The following OBSL1 variants were observed in gnomAD, a reference collection of about 807,000 sequenced individuals.
OBSL1 encodes obscurin like cytoskeletal adaptor 1.
OBSL1 carries 160 observed loss-of-function variants against 172.0 expected under a neutral mutation model. The observed-to-expected ratio is 0.93, with a 90% CI of 0.82 to 1.06. The LOEUF (loss-of-function observed/expected upper bound fraction) is 1.06. Among genes scored for constraint, OBSL1 ranks in the 50% least tolerant of loss-of-function variants. The probability of loss-of-function intolerance (pLI) is 0.00; values close to 1 mark genes in which losing one functional copy is unlikely to be tolerated. For missense variants in OBSL1, 2,681 were observed against 2,715.4 expected, an observed-to-expected ratio of 0.99 and a Z score of 0.28; for synonymous variants, 1,200 against 1,196.3, an observed-to-expected ratio of 1.00 and a Z score of -0.06.
chr2:219,548,575 G>A (rs556175637), downstream of OBSL1, among the ~76,000 whole-genome samples: 8 of 152,218 alleles, frequency 5.3e-5, no homozygotes, highest in African/African-American at 1.2e-4. Flanking sequence ...CAGCAAGGGC[G>A]AGGGCCCTGA....
intron 20 of OBSL1, 119 bp downstream of exon 20, chr2:219,551,410 T>C: frequency 1.7e-6 from 2 of 1,210,498 alleles, no homozygotes; most frequent in Non-Finnish European, 2.2e-6. Flanking sequence ...CCCCACCTCC[T>C]ACGTATCCCA....
rs555147623 is a variant in OBSL1 at position 219,568,447 on chromosome 2, G to T, written c.1013-123C>A. 11 of 974,174 alleles carry T rather than the reference G, an allele frequency of 1.1e-5. No individual in the cohort carries two copies. The Admixed American group carries it at 3.1e-4, about 28-fold the overall frequency. 60.3% of individuals were successfully genotyped at this position (974,174 alleles called of 1,614,324 possible). ...TCATGCAGAGCCAGCGGGCACTGTGGAATCACAGAAAACTACCAGAAGGGA... is the reference window on the plus strand; with the variant it reads ...TCATGCAGAGCCAGCGGGCACTGTGTAATCACAGAAAACTACCAGAAGGGA... On this transcript the variant is annotated intron_variant, in intron 1 of 20. Coordinates refer to ENST00000404537, the MANE Select transcript of OBSL1 (RefSeq NM_015311.3). This position sits in a 1 kb window ranked among gnomAD's most constrained non-coding sequence, Gnocchi z 4.1.
rs1331331953 is a variant in OBSL1, at chr2:219,567,405, T to A, written c.1705A>T (p.Ile569Phe). ...ACCTCCACGGCTCCGGCTTTCTCGA[T>A]GCTGAAGCACTGAATCCAGTCTTCA... is the stretch of plus-strand genomic sequence containing the variant. ...GSEDWIQCFS[I>F]EKAGAVEVPG... The change falls in exon 4 of 21, where the codon ATC becomes TTC. Residue 569 changes from isoleucine to phenylalanine, a missense_variant. Physicochemically the swap from Ile to Phe is conservative, Grantham distance 21. Coordinates refer to ENST00000404537, the MANE Select transcript of OBSL1 (RefSeq NM_015311.3). The A allele has an allele frequency of 6.2e-7, 1 of 1,613,156 alleles. No homozygotes were observed. The highest frequency in any genetic ancestry group is 1.7e-5 in the Admixed American group (1 of 59,930).
Position 219,556,609 on chromosome 2 carries a change from C to T in OBSL1, c.4181G>A (p.Arg1394His), listed in dbSNP as rs769302847. 31 of 1,613,848 alleles carry T rather than the reference C, an allele frequency of 1.9e-5. No individual in the cohort carries two copies. The highest frequency in any genetic ancestry group is 1.3e-4 in the Admixed American group (8 of 59,996). ...CCCTGGAGTGACGACGGCCCCATTG[C>T]GCAGCCAGGTGACATCGGCATCTGG... ...SPPDADVTWL[R>H]NGAVVTPGPQ... Residue 1394 changes from arginine to histidine, a missense_variant, in exon 13 of 21, where the codon CGC becomes CAC. By Grantham distance (29) the Arg-to-His change is conservative. This residue lies in a region of OBSL1 where 1,765 missense variants were observed against 1,748.3 expected (regional missense o/e 1.01). Coordinates refer to ENST00000404537, the MANE Select transcript of OBSL1 (RefSeq NM_015311.3).
rs10208534 is a variant in OBSL1 at position 219,558,982 on chromosome 2, A to G, written c.3226+243T>C. On this transcript the variant is annotated intron_variant, in intron 9 of 20. Coordinates refer to ENST00000404537, the MANE Select transcript of OBSL1 (RefSeq NM_015311.3). ...GCATCTAAAACAGTGCCAAGCACAT[A>G]GTAGTTGCTCAATGAGTATTGAACG... The G allele has an allele frequency of 0.43, 226,219 of 520,540 alleles. 50,934 individuals carry two copies. The highest frequency in any genetic ancestry group is 0.52 in the African/African-American group (27,565 of 52,934). The allele number at this position is 520,540 out of a possible 1,614,324, so 32.2% of individuals were successfully genotyped here. A position where few individuals can be genotyped will look rare whatever the true frequency, so the allele number is the denominator to read the frequency against.
At position 219,567,507 on chromosome 2, in the gene OBSL1, G is replaced by A. The variant is rs368672930; in HGVS notation, c.1603C>T (p.Leu535=). 2.5e-6 allele frequency: 4 copies of A among 1,613,460 alleles called. No homozygotes were observed. In the African/African-American group the frequency reaches 4.0e-5, roughly 16 times the overall value. ...EMFKGHKNTV[L]LTWKPPEPAP... is the part of the protein sequence containing the mutation. ...GGCTCGGGAGGCTTCCAGGTCAACA[G>A]GACCGTGTTCTTGTGGCCCTTGAAC... Residue 535 remains leucine (L), a synonymous_variant, in exon 4 of 21, where the codon CTG becomes TTG. Coordinates refer to ENST00000404537, the MANE Select transcript of OBSL1 (RefSeq NM_015311.3).
intron 6 of OBSL1, among the ~76,000 whole-genome samples, chr2:219,564,910 T>C (rs1696769405): frequency 6.6e-6 from 1 of 151,940 alleles, no homozygotes; most frequent in South Asian, 2.1e-4. Flanking sequence ...TACCAAATAA[T>C]AAAAAAATTA....
chr2:219,570,734 C>T lies in OBSL1; in HGVS notation c.499G>A (p.Ala167Thr), dbSNP rs768685309. 2 of 1,510,456 alleles carry T rather than the reference C, an allele frequency of 1.3e-6. No homozygotes were observed. Among genetic ancestry groups the T allele is most frequent in the South Asian group, 2.5e-5 (2 of 81,130 alleles). 93.6% of individuals were successfully genotyped at this position (1,510,456 alleles called of 1,614,324 possible). A position where few individuals can be genotyped will look rare whatever the true frequency, so the allele number is the denominator to read the frequency against. Residue 167 changes from alanine to threonine, a missense_variant, in exon 1 of 21, where the codon GCC (alanine) becomes ACC (threonine). This residue lies in a region of OBSL1 where 706 missense variants were observed against 695.8 expected (regional missense o/e 1.01). Coordinates refer to ENST00000404537, the MANE Select transcript of OBSL1 (RefSeq NM_015311.3). ...PTLYWEKDGM[A>T]LDEVWDSSHF... The stretch of plus-strand genomic sequence containing the variant: ...CTGCTGTCCCACACTTCGTCCAGGG[C>T]CATCCCGTCCTTCTCCCAGTACAGT...
At position 219,552,118 on chromosome 2, in the gene OBSL1, C is replaced by A; in HGVS notation, c.5407G>T (p.Val1803Leu). 1.2e-6 allele frequency: 2 copies of A among 1,609,268 alleles called. No individual in the cohort carries two copies. The highest frequency in any genetic ancestry group is 1.7e-6 in the Non-Finnish European group (2 of 1,178,254). ...GPAQSLALLEVEALPLQMCRH... is the reference protein window; with the variant it reads ...GPAQSLALLELEALPLQMCRH... ...TCCCACCCCAGGTGCTTACCCTCCA[C>A]TTCCAGTAGAGCCAGGGACTGGGCG... The change falls in exon 19 of 21, where the codon GTG becomes TTG. Residue 1803 changes from valine to leucine, a missense_variant. This residue lies in a region of OBSL1 where 1,765 missense variants were observed against 1,748.3 expected (regional missense o/e 1.01). Transcript: ENST00000404537.
intron 8 of OBSL1, 48 bp downstream of exon 8, chr2:219,562,354 G>T: frequency 6.3e-7 from 1 of 1,590,058 alleles, no homozygotes; most frequent in South Asian, 1.1e-5. Flanking sequence ...GCTCCTCCAG[G>T]GCTCAGGGCT....
At position 219,570,587 on chromosome 2, in the gene OBSL1, C is replaced by A; in HGVS notation, c.646G>T (p.Gly216Cys). The stretch of plus-strand genomic sequence containing the variant: ...AGCAGCGCCCCCGCCTGCGCGTGGC[C>A]GTGCGCGTTGCGGGCGTGGCACACG... ...VYVCHARNAHGHAQAGALLQV... is the reference protein window; with the variant it reads ...VYVCHARNAHCHAQAGALLQV... Residue 216 changes from glycine to cysteine, a missense_variant, in exon 1 of 21, where the codon GGC becomes TGC. Gly to Cys is a radical substitution (Grantham distance 159). Coordinates refer to ENST00000404537, the MANE Select transcript of OBSL1 (RefSeq NM_015311.3). The A allele has an allele frequency of 6.6e-7, 1 of 1,521,048 alleles. No homozygotes were observed. Among genetic ancestry groups the A allele is most frequent in the Non-Finnish European group, 8.8e-7 (1 of 1,138,194 alleles). The allele number at this position is 1,521,048 out of a possible 1,614,324, so 94.2% of individuals were successfully genotyped here. A position where few individuals can be genotyped will look rare whatever the true frequency, so the allele number is the denominator to read the frequency against.
chr2:219,560,959 T>A (rs1696419226), intron 8 of OBSL1, among the ~76,000 whole-genome samples: 1 of 152,146 alleles, frequency 6.6e-6, no homozygotes, highest in South Asian at 2.1e-4. Context: ...GGTGTTTGTG[T>A]GAACTTCCCT....
At chr2:219,566,728 T>G in intron 5 of OBSL1, 102 bp downstream of exon 5, 1 of 1,335,816 alleles carries the variant, frequency 7.5e-7, no homozygotes, top group East Asian at 2.4e-5. Flanking sequence ...CTTGCTCTCC[T>G]GGCCCAGATA....
At chr2:219,551,862 C>G in intron 19 of OBSL1, 64 bp from the exon 20 acceptor site, 5 of 1,064,132 alleles carry the variant, frequency 4.7e-6, no homozygotes, top group Non-Finnish European at 6.9e-6. Context: ...AGGAGAGATG[C>G]ATCTTCCCTC....
In OBSL1 at chr2:219,559,219, G is replaced by C; in HGVS notation, c.3226+6C>G. On this transcript the variant is annotated splice_donor_region_variant and intron_variant, in intron 9 of 20. Transcript: ENST00000404537. Reference sequence around the variant, plus strand: ...ACCTCCTCTCTGTGCTGCAGAGACTGCCCACCTGTGACAGTGACAGTGAAG... The same window carrying C: ...ACCTCCTCTCTGTGCTGCAGAGACTCCCCACCTGTGACAGTGACAGTGAAG... 6.3e-7 allele frequency: 1 copy of C among 1,595,186 alleles called. No homozygotes were observed. Among genetic ancestry groups the C allele is most frequent in the Non-Finnish European group, 8.6e-7 (1 of 1,167,842 alleles).
Position 219,570,716 on chromosome 2 carries a change from C to T in OBSL1, c.517G>A (p.Asp173Asn), listed in dbSNP as rs1206550239. The T allele has an allele frequency of 6.6e-6, 10 of 1,511,734 alleles. No individual in the cohort carries two copies. Among genetic ancestry groups the T allele is most frequent in the Non-Finnish European group, 8.8e-6 (10 of 1,136,682 alleles). 93.6% of individuals were successfully genotyped at this position (1,511,734 alleles called of 1,614,324 possible). ...KDGMALDEVW[D>N]SSHFALQPGR... is the part of the protein sequence containing the mutation. ...GGCTGGAGCGCGAAGTGGCTGCTGT[C>T]CCACACTTCGTCCAGGGCCATCCCG... The change falls in exon 1 of 21, where the codon GAC becomes AAC. Residue 173 changes from aspartate to asparagine, a missense_variant. This residue lies in a region of OBSL1 where 706 missense variants were observed against 695.8 expected (regional missense o/e 1.01). Transcript: ENST00000404537.
At chr2:219,551,384 C>T (rs1318824779) in intron 20 of OBSL1, 145 bp downstream of exon 20, 3 of 1,357,346 alleles carry the variant, frequency 2.2e-6, no homozygotes, top group Non-Finnish European at 2.9e-6. Context: ...TGTGCTCTAC[C>T]CCTCCCCTCC....
At chr2:219,551,105 T>G (rs936310432) in intron 20 of OBSL1, 11 of 1,409,314 alleles carry the variant, frequency 7.8e-6, no homozygotes, top group Non-Finnish European at 8.3e-6. Flanking sequence ...AGAAAGAGGC[T>G]TCTGCCAAGG....
intron 19 of OBSL1, 104 bp downstream of exon 19, chr2:219,552,008 G>C (rs1695648567): frequency 8.3e-7 from 1 of 1,205,756 alleles, no homozygotes. Context: ...TCGGGGGGAA[G>C]GGAAGAGAGA....
Sources: allele counts gnomAD v4.1 joint callset (sites outside exome capture counted in the v4.1 genomes callset), GRCh38; gene constraint gnomAD v4.1.1; regional missense constraint gnomAD v4.1.1; non-coding constraint Gnocchi (gnomAD v3.1); transcripts MANE v1.5; gene names NCBI Gene and HGNC (gene_info 2026-07-23, HGNC 2026-07-21).